Variants in LDB2 observed in about 807,000 individuals in gnomAD.
LDB2 encodes the protein LIM domain-binding protein 2.
Under a neutral mutation model 44.3 loss-of-function variants are expected in LDB2, and 12 were observed. The ratio of observed to expected loss-of-function variants is 0.27; its 90% CI spans 0.17 to 0.44. The LOEUF is 0.44. Among genes scored for constraint, LDB2 ranks in the 20% least tolerant of loss-of-function variants. The probability of loss-of-function intolerance (pLI) is 1.00; values close to 1 mark genes in which losing one functional copy is unlikely to be tolerated. For synonymous variants in LDB2, 164 were observed against 174.8 expected, an observed-to-expected ratio of 0.94 and a Z score of 0.49; for missense variants, 344 against 473.5, an observed-to-expected ratio of 0.73 and a Z score of 2.54.
At chr4:16,736,623 T>C (rs1368082234) in intron 2 of LDB2, among the ~76,000 whole-genome samples, 2 of 152,228 alleles carry the variant, frequency 1.3e-5, no homozygotes, top group African/African-American at 4.8e-5. Context: ...TGTGGGCAAG[T>C]CGCAGAATCT....
intron 5 of LDB2, among the ~76,000 whole-genome samples, chr4:16,559,705 A>G (rs1464827602): frequency 6.6e-6 from 1 of 152,134 alleles, no homozygotes; most frequent in African/African-American, 2.4e-5. Context: ...TCAGCTCTGC[A>G]CCAAGCGGAC....
chr4:16,765,127 T>G (rs1234330499), intron 1 of LDB2, among the ~76,000 whole-genome samples: 1 of 152,162 alleles, frequency 6.6e-6, no homozygotes, highest in African/African-American at 2.4e-5. Flanking sequence ...TTCCCAGGTG[T>G]ATTGGGTGGC....
At chr4:16,602,114 T>C (rs906593504) in intron 2 of LDB2, among the ~76,000 whole-genome samples, 1 of 152,200 alleles carries the variant, frequency 6.6e-6, no homozygotes, top group Non-Finnish European at 1.5e-5. Flanking sequence ...ATGACCTGTC[T>C]TGTGATTTCA....
At chr4:16,617,524 T>C (rs2152474471) in intron 2 of LDB2, among the ~76,000 whole-genome samples, 1 of 152,172 alleles carries the variant, frequency 6.6e-6, no homozygotes, top group African/African-American at 2.4e-5. Context: ...AGTGTAGGTG[T>C]TGGAAGTTTC....
rs1017218529 is a variant in LDB2 at position 16,508,491 on chromosome 4, G to C, written c.891+44C>G. On this transcript the variant is annotated intron_variant, in intron 7 of 7. Coordinates refer to ENST00000304523, the MANE Select transcript of LDB2 (RefSeq NM_001290.5). Reference sequence around the variant, plus strand: ...TTAATTTGGGCCCTTTGAGTAGGAAGCAGACAGTTAGGATTTCGGGCCTAA... The same window carrying C: ...TTAATTTGGGCCCTTTGAGTAGGAACCAGACAGTTAGGATTTCGGGCCTAA... The C allele has an allele frequency of 2.1e-6, 3 of 1,460,304 alleles. No homozygotes were observed. In the African/African-American group the frequency reaches 4.3e-5, roughly 21 times the overall value. 90.5% of individuals were successfully genotyped at this position (1,460,304 alleles called of 1,614,324 possible).
intron 2 of LDB2, among the ~76,000 whole-genome samples, chr4:16,665,450 A>G (rs1393131149): frequency 6.6e-6 from 1 of 152,022 alleles, no homozygotes; most frequent in African/African-American, 2.4e-5. Flanking sequence ...TATTTTTATT[A>G]GAGACGGGGT....
At chr4:16,636,440 C>A (rs1223495056) in intron 2 of LDB2, among the ~76,000 whole-genome samples, 1 of 152,226 alleles carries the variant, frequency 6.6e-6, no homozygotes, top group Non-Finnish European at 1.5e-5. Context: ...CCCACGGTAT[C>A]ATACCTCAAT....
chr4:16,645,451 G>A (rs1388323573), intron 2 of LDB2, among the ~76,000 whole-genome samples: 1 of 150,980 alleles, frequency 6.6e-6, no homozygotes, highest in Admixed American at 6.6e-5. Context: ...GCAGGAGAAT[G>A]GCGTGAACCC....
In LDB2 at chr4:16,756,185, C is replaced by T. The variant is rs551049711; in HGVS notation, c.235+2973G>A. Reference sequence around the variant, plus strand: ...AACAGCCAGATGTGGTGGCTCATGCCTGTAATCCCAGCACTTTGGGAGGCC... The same window carrying T: ...AACAGCCAGATGTGGTGGCTCATGCTTGTAATCCCAGCACTTTGGGAGGCC... On this transcript the variant is annotated intron_variant, in intron 2 of 7. Coordinates refer to ENST00000304523, the MANE Select transcript of LDB2 (RefSeq NM_001290.5). 5.3e-5 allele frequency among the ~76,000 whole-genome samples: 8 copies of T among 152,328 alleles called. No individual in the cohort carries two copies. The South Asian group carries it at 1.7e-3, about 32-fold the overall frequency.
chr4:16,757,791 C>A (rs964066705), intron 2 of LDB2, among the ~76,000 whole-genome samples: 1 of 152,124 alleles, frequency 6.6e-6, no homozygotes, highest in African/African-American at 2.4e-5. Context: ...TGCTTGGGGG[C>A]ACCCACACAC....
chr4:16,680,061 G>T (rs1334721228), intron 2 of LDB2, among the ~76,000 whole-genome samples: 2 of 152,126 alleles, frequency 1.3e-5, no homozygotes, highest in African/African-American at 2.4e-5. Flanking sequence ...ACCTTTGGGA[G>T]GTGATTAGAT....
At chr4:16,601,184 T>C (rs1331069834) in intron 2 of LDB2, among the ~76,000 whole-genome samples, 1 of 152,108 alleles carries the variant, frequency 6.6e-6, no homozygotes, top group Admixed American at 6.5e-5. Context: ...AACGTAGTGA[T>C]TATTTCTTAT....
chr4:16,811,943 A>T (rs1428306603), intron 1 of LDB2, among the ~76,000 whole-genome samples: 1 of 152,048 alleles, frequency 6.6e-6, no homozygotes, highest in Non-Finnish European at 1.5e-5. Context: ...TTTTCCAAAT[A>T]TTTTTTTCCA....
At chr4:16,846,381 AGTACATTCTATCT>A (rs1787010053) in intron 1 of LDB2, among the ~76,000 whole-genome samples, 1 of 152,236 alleles carries the variant, frequency 6.6e-6, no homozygotes. Context: ...TAGAAAGCAA[AGTACATTCTATCT>A]TGTCTACCCC....
At chr4:16,687,502 C>G (rs186744626) in intron 2 of LDB2, among the ~76,000 whole-genome samples, 1 of 152,226 alleles carries the variant, frequency 6.6e-6, no homozygotes, top group Admixed American at 6.5e-5. Context: ...GTCGTTTAAG[C>G]CACCCAGTCT....
chr4:16,791,556 G>GA (rs67578284), intron 1 of LDB2, among the ~76,000 whole-genome samples: 1,471 of 59,018 alleles, frequency 0.025, 161 homozygotes, highest in East Asian at 0.22. Flanking sequence ...CTCTGGCTCA[G>GA]AAAAAAAAAA....
chr4:16,674,765 A>G (rs1185518801), intron 2 of LDB2, among the ~76,000 whole-genome samples: 2 of 151,030 alleles, frequency 1.3e-5, no homozygotes, highest in Admixed American at 1.3e-4. Flanking sequence ...GAAAAAATTA[A>G]AGAAAGAAAA....
intron 5 of LDB2, among the ~76,000 whole-genome samples, chr4:16,526,798 C>T (rs1406578253): frequency 6.6e-6 from 1 of 152,174 alleles, no homozygotes; most frequent in Non-Finnish European, 1.5e-5. Flanking sequence ...ATAATCCTGC[C>T]AACACCTTGA....
chr4:16,794,552 G>C (rs961217916), intron 1 of LDB2, among the ~76,000 whole-genome samples: 1 of 152,082 alleles, frequency 6.6e-6, no homozygotes, highest in African/African-American at 2.4e-5. Context: ...GTGTGACTTT[G>C]GGTCTGTTAC....
Sources: gnomAD v4.1 joint callset for allele counts (sites outside exome capture counted in the v4.1 genomes callset) on GRCh38, gnomAD v4.1.1 for gene constraint, MANE v1.5 for transcripts, NCBI Gene and HGNC (gene_info 2026-07-23, HGNC 2026-07-21) for gene names.